The following PPARGC1A variants were observed in gnomAD, a reference collection of about 807,000 sequenced individuals.
PPARGC1A encodes PPARG coactivator 1 alpha.
A neutral mutation model predicts 88.7 loss-of-function variants in PPARGC1A; 25 were observed. That is an observed-to-expected ratio of 0.28 (90% CI 0.21 to 0.39). PPARGC1A has a LOEUF of 0.39. PPARGC1A is among the 10% of genes least tolerant of loss of function. PPARGC1A has a pLI of 1.00. For synonymous variants in PPARGC1A, 363 were observed against 355.6 expected, an observed-to-expected ratio of 1.02 and a Z score of -0.24; for missense variants, 880 against 968.7, an observed-to-expected ratio of 0.91 and a Z score of 1.22.
the PPARGC1A span, among the ~76,000 whole-genome samples, chr4:24,259,906 T>C: frequency 3.3e-5 from 5 of 152,170 alleles, no homozygotes; most frequent in African/African-American, 2.4e-5. Context: ...CTAGAAAATA[T>C]AATAAACACC....
chr4:24,014,359 G>C, the PPARGC1A span, among the ~76,000 whole-genome samples: 5 of 152,172 alleles, frequency 3.3e-5, no homozygotes, highest in Non-Finnish European at 7.4e-5. Context: ...GGTGCCATCA[G>C]AACCACTGTC....
chr4:23,962,992 C>T, the PPARGC1A span, among the ~76,000 whole-genome samples: 1 of 152,138 alleles, frequency 6.6e-6, no homozygotes, highest in Non-Finnish European at 1.5e-5. Context: ...GTGTTTCTCG[C>T]CAGGAATAAG....
chr4:24,205,061 G>C, the PPARGC1A span, among the ~76,000 whole-genome samples: 1 of 152,144 alleles, frequency 6.6e-6, no homozygotes, highest in Non-Finnish European at 1.5e-5. Flanking sequence ...CTGACCTCAA[G>C]TGATCCACCC....
the PPARGC1A span, among the ~76,000 whole-genome samples, chr4:24,436,139 C>T: frequency 1.3e-5 from 2 of 152,168 alleles, no homozygotes; most frequent in Non-Finnish European, 2.9e-5. Context: ...TATAATGTTC[C>T]CAGCCAGGAT....
the PPARGC1A span, among the ~76,000 whole-genome samples, chr4:24,103,430 G>C: frequency 6.6e-6 from 1 of 152,088 alleles, no homozygotes; most frequent in Non-Finnish European, 1.5e-5. Context: ...CTGAAGGTGT[G>C]TAGGATACAG....
At chr4:23,958,545 A>T in the PPARGC1A span, among the ~76,000 whole-genome samples, 1 of 152,144 alleles carries the variant, frequency 6.6e-6, no homozygotes, top group African/African-American at 2.4e-5. Flanking sequence ...CTACTCCAGC[A>T]ATTCATTTTG....
At chr4:24,410,427 G>C in the PPARGC1A span, among the ~76,000 whole-genome samples, 1 of 152,070 alleles carries the variant, frequency 6.6e-6, no homozygotes, top group Non-Finnish European at 1.5e-5. Context: ...AAATGCCTTA[G>C]GCTAGCATTT....
chr4:24,013,746 A>T, the PPARGC1A span, among the ~76,000 whole-genome samples: 1 of 152,224 alleles, frequency 6.6e-6, no homozygotes, highest in South Asian at 2.1e-4. Context: ...AAGGAAATGC[A>T]ATAATTGCAC....
chr4:24,123,058 C>A, the PPARGC1A span, among the ~76,000 whole-genome samples: 1 of 152,148 alleles, frequency 6.6e-6, no homozygotes, highest in Non-Finnish European at 1.5e-5. Flanking sequence ...CACTGGTGGT[C>A]ATGCCCATGG....
the PPARGC1A span, among the ~76,000 whole-genome samples, chr4:24,271,164 TAC>T: frequency 6.6e-6 from 1 of 152,208 alleles, no homozygotes; most frequent in African/African-American, 2.4e-5. Context: ...TAATTTTAAT[TAC>T]AGTTTGGTAG....
At chr4:23,983,128 C>T in the PPARGC1A span, among the ~76,000 whole-genome samples, 1 of 151,986 alleles carries the variant, frequency 6.6e-6, no homozygotes, top group East Asian at 1.9e-4. Context: ...TCAAACAAAC[C>T]TTTCTGTAGG....
chr4:23,845,156 T>C (rs139455393), intron 2 of PPARGC1A, among the ~76,000 whole-genome samples: 152 of 152,188 alleles, frequency 1.0e-3, no homozygotes, highest in African/African-American at 3.5e-3. Flanking sequence ...GGAGGCCTGC[T>C]GTGAATACCT....
chr4:24,093,024 C>T, the PPARGC1A span, among the ~76,000 whole-genome samples: 4,340 of 152,292 alleles, frequency 0.028, 189 homozygotes, highest in African/African-American at 0.095. Flanking sequence ...GAGCAACTAA[C>T]AGTTACTGAG....
the PPARGC1A span, among the ~76,000 whole-genome samples, chr4:24,363,345 G>A: frequency 6.6e-6 from 1 of 152,104 alleles, no homozygotes; most frequent in Admixed American, 6.5e-5. Flanking sequence ...TGAAGTAATT[G>A]TATCACTAAT....
At chr4:23,893,469 TTTTATAAG>T (rs1404888941), upstream of PPARGC1A, among the ~76,000 whole-genome samples, 6 of 152,326 alleles carry the variant, frequency 3.9e-5, no homozygotes, top group East Asian at 5.8e-4. Flanking sequence ...GTTCATTTGT[TTTTATAAG>T]TTTATAAGTT....
At chr4:24,133,657 T>C in the PPARGC1A span, among the ~76,000 whole-genome samples, 2 of 152,200 alleles carry the variant, frequency 1.3e-5, no homozygotes, top group Non-Finnish European at 2.9e-5. Context: ...TGGGGATTTT[T>C]GTTGATTTAA....
At chr4:24,020,082 G>A in the PPARGC1A span, among the ~76,000 whole-genome samples, 8 of 152,134 alleles carry the variant, frequency 5.3e-5, no homozygotes, top group South Asian at 1.7e-3. Context: ...TCTCTGCAGG[G>A]GAGATCAGGT....
chr4:23,948,685 T>G, the PPARGC1A span, among the ~76,000 whole-genome samples: 1 of 152,218 alleles, frequency 6.6e-6, no homozygotes, highest in African/African-American at 2.4e-5. Flanking sequence ...TTCCACTTCA[T>G]GCCTGTGGAC....
At chr4:23,895,980 GTA>G (rs5856800) in intron 1 of PPARGC1A, among the ~76,000 whole-genome samples, 994 of 19,856 alleles carry the variant, frequency 0.05, 2 homozygotes, top group Non-Finnish European at 0.073. Context: ...GTGTGTGTGT[GTA>G]TATATATATA....
Sources: gnomAD v4.1 joint callset for allele counts (sites outside exome capture counted in the v4.1 genomes callset) on GRCh38, gnomAD v4.1.1 for gene constraint, MANE v1.5 for transcripts, NCBI Gene and HGNC (gene_info 2026-07-23, HGNC 2026-07-21) for gene names.